The following PCNT variants were observed in gnomAD, a reference collection of about 807,000 sequenced individuals.
PCNT encodes kendrin.
PCNT carries 319 observed loss-of-function variants against 380.4 expected under a neutral mutation model. The ratio of observed to expected loss-of-function variants is 0.84; its 90% CI spans 0.77 to 0.92. PCNT has a LOEUF of 0.92. Ranked by LOEUF, PCNT falls within the 40% of genes least tolerant of loss-of-function variation. The pLI, the probability that PCNT is intolerant of heterozygous loss-of-function variation, is 0.00. For synonymous variants in PCNT, 1,845 were observed against 1,735.2 expected, an observed-to-expected ratio of 1.06 and a Z score of -1.57; for missense variants, 4,400 against 4,255.3, an observed-to-expected ratio of 1.03 and a Z score of -0.95.
At chr21:46,343,589 T>TTATGTCCTTTCCTGGTTTTGG (rs1411683859) in intron 3 of PCNT, among the ~76,000 whole-genome samples, 1 of 152,210 alleles carries the variant, frequency 6.6e-6, no homozygotes, top group African/African-American at 2.4e-5. Flanking sequence ...TCTTTTTTTG[T>TTATGTCCTTTCCTGGTTTTGG]TATGTCCTTT....
intron 8 of PCNT, 100 bp downstream of exon 8, chr21:46,349,920 A>C: frequency 8.4e-7 from 1 of 1,192,014 alleles, no homozygotes; most frequent in Non-Finnish European, 1.2e-6. Context: ...GCTAAAACTT[A>C]AGTTCTAAAT....
intron 21 of PCNT, 101 bp from the exon 22 acceptor site, chr21:46,397,164 T>C: frequency 1.1e-6 from 1 of 931,672 alleles, no homozygotes; most frequent in Non-Finnish European, 1.7e-6. Flanking sequence ...GACTTCATTT[T>C]CGGTGGGTTT....
rs12482652 is a variant in PCNT, at chr21:46,425,188, C to G, written c.7180-643C>G. On this transcript the variant is annotated intron_variant, in intron 32 of 46. Coordinates refer to ENST00000359568, the MANE Select transcript of PCNT (RefSeq NM_006031.6). The surrounding 1 kb of genome is among the most constrained non-coding windows in gnomAD (Gnocchi z 4.2). The stretch of plus-strand genomic sequence containing the variant: ...TTCTCCATAGGGCCGTCTGCTTACC[C>G]CTCAGCCTCTCTGGCGAGACAGTCA... Among the ~76,000 whole-genome samples the G allele has an allele frequency of 6.6e-6, 1 of 152,194 alleles. No individual in the cohort carries two copies. The highest frequency in any genetic ancestry group is 1.5e-5 in the Non-Finnish European group (1 of 68,046).
At chr21:46,402,601 C>A in intron 27 of PCNT, 118 bp downstream of exon 27, 1 of 1,075,942 alleles carries the variant, frequency 9.3e-7, no homozygotes, top group Admixed American at 1.8e-5. Flanking sequence ...GCCCGTGGCC[C>A]CCATGTGGCA....
intron 2 of PCNT, among the ~76,000 whole-genome samples, chr21:46,330,693 A>C (rs781284679): frequency 7.2e-5 from 11 of 152,184 alleles, no homozygotes; most frequent in Non-Finnish European, 1.2e-4. Flanking sequence ...CCTTTAATCC[A>C]GTTGTAGATG....
chr21:46,398,163 GCTGT>G, intron 23 of PCNT, 33 bp downstream of exon 23: 1 of 1,605,528 alleles, frequency 6.2e-7, no homozygotes, highest in Non-Finnish European at 8.5e-7. Context: ...GCTGCTGGTT[GCTGT>G]CTTTCACTGT....
intron 15 of PCNT, among the ~76,000 whole-genome samples, chr21:46,378,511 T>G (rs1023926855): frequency 2.0e-5 from 3 of 152,056 alleles, no homozygotes; most frequent in African/African-American, 7.2e-5. Flanking sequence ...CAGGTAGTGC[T>G]TGCCACGTGG....
intron 21 of PCNT, chr21:46,394,448 A>G (rs1235189118): frequency 1.1e-6 from 1 of 878,394 alleles, no homozygotes; most frequent in Non-Finnish European, 1.4e-6. Context: ...TAGCTCTCAC[A>G]TTCTCAGCTG....
intron 6 of PCNT, chr21:46,348,457 G>A (rs145958340): frequency 6.2e-5 from 11 of 177,838 alleles, no homozygotes; most frequent in African/African-American, 1.9e-4. Context: ...GGTGGTCCTC[G>A]TGTGCAGATG....
chr21:46,336,830 A>G (rs1180991559), intron 3 of PCNT, among the ~76,000 whole-genome samples: 1 of 152,036 alleles, frequency 6.6e-6, no homozygotes, highest in Non-Finnish European at 1.5e-5. Flanking sequence ...TTAAATAGGA[A>G]TACATACTGA....
At chr21:46,437,990 G>A (rs897784375) in intron 40 of PCNT, among the ~76,000 whole-genome samples, 174 bp from the exon 41 acceptor site, 5 of 152,232 alleles carry the variant, frequency 3.3e-5, no homozygotes, top group African/African-American at 9.6e-5. Context: ...AGCCAGTTGC[G>A]TGCAAAGTCT....
Position 46,357,024 on chromosome 21 carries a change from G to A in PCNT, c.1987G>A (p.Asp663Asn), listed in dbSNP as rs537348698. The A allele has an allele frequency of 2.9e-5, 47 of 1,614,206 alleles. No homozygotes were observed. The highest frequency in any genetic ancestry group is 1.3e-4 in the South Asian group (12 of 91,068). The change falls in exon 13 of 47, where the codon GAC becomes AAC. Residue 663 changes from aspartate (D) to asparagine (N), a missense_variant. Physicochemically the swap from Asp to Asn is conservative, Grantham distance 23 (BLOSUM62 1). Transcript: ENST00000359568. ...TGTGCAGGACGGGGACTTGGAGGCC[G>A]ACACAGAGCGGGCAGCCAGAGTCTT... is the stretch of plus-strand genomic sequence containing the variant. ...QGVQDGDLEADTERAARVLGL... is the reference protein window; with the variant it reads ...QGVQDGDLEANTERAARVLGL...
intron 2 of PCNT, among the ~76,000 whole-genome samples, chr21:46,332,870 A>G (rs2083602156): frequency 6.6e-6 from 1 of 152,158 alleles, no homozygotes; most frequent in Admixed American, 6.6e-5. Flanking sequence ...GCATTTTGGG[A>G]TGCTGAGGTG....
Position 46,435,973 on chromosome 21 carries a change from C to T in PCNT, c.8821C>T (p.Leu2941=). Residue 2941 remains leucine (L), a synonymous_variant, in exon 39 of 47, where the codon CTG becomes TTG. Coordinates refer to ENST00000359568, the MANE Select transcript of PCNT (RefSeq NM_006031.6). ...GCAGCTTCAGCAGACAGTGAGAGACCTGGAGTCGAAGGACGAGGTGCCTGG... is the reference window on the plus strand; with the variant it reads ...GCAGCTTCAGCAGACAGTGAGAGACTTGGAGTCGAAGGACGAGGTGCCTGG... ...IKQLQQTVRD[L]ESKDEVPGSR... is the part of the protein sequence containing the mutation. 2 of 1,614,184 alleles carry T rather than the reference C, an allele frequency of 1.2e-6. No individual in the cohort carries two copies. Among genetic ancestry groups the T allele is most frequent in the East Asian group, 4.5e-5 (2 of 44,850 alleles).
chr21:46,434,993 G>A (rs2087908094), intron 38 of PCNT, among the ~76,000 whole-genome samples: 1 of 152,200 alleles, frequency 6.6e-6, no homozygotes, highest in Non-Finnish European at 1.5e-5. Flanking sequence ...TAAAAACTAC[G>A]ATGGAAACGC....
In PCNT at chr21:46,445,436, C is replaced by A; in HGVS notation, c.*109C>A. ...CAGCATGGGCACTACTCTTCATGTG[C>A]GGTGACACCAGCCCCCAGATGCCTT... On this transcript the variant is annotated 3_prime_UTR_variant, in exon 47 of 47. Transcript: ENST00000359568. The A allele has an allele frequency of 1.2e-6, 1 of 863,834 alleles. No individual in the cohort carries two copies. The highest frequency in any genetic ancestry group is 2.0e-6 in the Non-Finnish European group (1 of 496,146). 53.5% of individuals were successfully genotyped at this position (863,834 alleles called of 1,614,324 possible). A position where few individuals can be genotyped will look rare whatever the true frequency, so the allele number is the denominator to read the frequency against.
chr21:46,340,117 C>G (rs146515563), intron 3 of PCNT, among the ~76,000 whole-genome samples: 3,647 of 152,226 alleles, frequency 0.024, 60 homozygotes, highest in Non-Finnish European at 0.035. Context: ...GCAAGGAGGA[C>G]CAAGTCACAT....
intron 41 of PCNT, among the ~76,000 whole-genome samples, chr21:46,439,375 C>T (rs954944945): frequency 6.6e-6 from 1 of 152,054 alleles, no homozygotes; most frequent in African/African-American, 2.4e-5. Context: ...CTTGCTGCAT[C>T]TCCCAGGCTG....
chr21:46,346,178 T>C lies in PCNT; in HGVS notation c.690T>C (p.Arg230=), dbSNP rs780749481. ...ELAITDLESG[R]EDEAGLHQSQ... ...CCATTACTGACCTGGAGAGCGGCCG[T>C]GAAGATGAGGCTGGCCTGCATCAGA... is the stretch of plus-strand genomic sequence containing the variant. The change falls in exon 4 of 47, where the codon CGT becomes CGC. Residue 230 remains arginine (R), a synonymous_variant. Transcript: ENST00000359568. The C allele has an allele frequency of 6.2e-7, 1 of 1,613,298 alleles. No individual in the cohort carries two copies. The highest frequency in any genetic ancestry group is 8.5e-7 in the Non-Finnish European group (1 of 1,179,964).
Sources: allele counts gnomAD v4.1 joint callset (sites outside exome capture counted in the v4.1 genomes callset), GRCh38; gene constraint gnomAD v4.1.1; non-coding constraint Gnocchi (gnomAD v3.1); transcripts MANE v1.5; gene names NCBI Gene and HGNC (gene_info 2026-07-23, HGNC 2026-07-21).